The following ENTREP1 variants were observed in gnomAD, a reference collection of about 807,000 sequenced individuals.
The protein encoded by ENTREP1 is endosomal transmembrane epsin interactor 1.
chr9:69,377,258 C>A, the ENTREP1 span: 1 of 746,878 alleles, frequency 1.3e-6, no homozygotes, highest in Non-Finnish European at 2.4e-6. Context: ...TGCATCCTCT[C>A]CTGAGAATTG....
chr9:69,369,814 G>C, the ENTREP1 span, among the ~76,000 whole-genome samples: 3 of 152,092 alleles, frequency 2.0e-5, no homozygotes, highest in East Asian at 3.9e-4. Context: ...ACCTTTACAT[G>C]TGCTTATTGG....
chr9:69,340,963 G>A, the ENTREP1 span, among the ~76,000 whole-genome samples: 121,004 of 152,184 alleles, frequency 0.8, 48,238 homozygotes, highest in South Asian at 0.87. Flanking sequence ...GATGGACAAT[G>A]CTAGAAACAG....
the ENTREP1 span, among the ~76,000 whole-genome samples, chr9:69,359,913 C>T: frequency 2.0e-5 from 3 of 151,344 alleles, no homozygotes; most frequent in East Asian, 1.9e-4. Flanking sequence ...ATGTATTGAA[C>T]GCATTCTACA....
At chr9:69,354,513 C>T in the ENTREP1 span, among the ~76,000 whole-genome samples, 19 of 152,310 alleles carry the variant, frequency 1.2e-4, no homozygotes, top group African/African-American at 4.3e-4. Context: ...CTGCCTTGGC[C>T]TCCCAAAGTG....
chr9:69,380,156 A>G, the ENTREP1 span: 1 of 152,262 alleles, frequency 6.6e-6, no homozygotes, highest in South Asian at 2.1e-4. Context: ...CCCTATAATC[A>G]TATTGCCAAT....
At chr9:69,340,667 G>GTGTGTGTGCA in the ENTREP1 span, among the ~76,000 whole-genome samples, 206 of 19,522 alleles carry the variant, frequency 0.011, 5 homozygotes, top group Admixed American at 0.014. Flanking sequence ...GTGTGTGTGC[G>GTGTGTGTGCA]TGTGTGTGTG....
At chr9:69,388,337 T>G in the ENTREP1 span, 1 of 1,614,208 alleles carries the variant, frequency 6.2e-7, no homozygotes, top group Non-Finnish European at 8.5e-7. Context: ...GGAGCAGTCC[T>G]CTTGTACCAT....
chr9:69,338,203 G>A, the ENTREP1 span, among the ~76,000 whole-genome samples: 1 of 152,022 alleles, frequency 6.6e-6, no homozygotes, highest in South Asian at 2.1e-4. Context: ...AACTTTGGAT[G>A]AGTTGTATAG....
chr9:69,331,430 C>T, the ENTREP1 span, among the ~76,000 whole-genome samples: 1 of 152,140 alleles, frequency 6.6e-6, no homozygotes, highest in African/African-American at 2.4e-5. Flanking sequence ...TCTCAGAGCC[C>T]TTCTTTGCAG....
chr9:69,337,594 A>C, the ENTREP1 span, among the ~76,000 whole-genome samples: 18 of 151,966 alleles, frequency 1.2e-4, no homozygotes, highest in South Asian at 2.1e-4. Context: ...CTTTGTTTTT[A>C]TTTGCTATGT....
At chr9:69,336,224 T>C in the ENTREP1 span, 2 of 1,573,430 alleles carry the variant, frequency 1.3e-6, no homozygotes, top group Middle Eastern at 1.7e-4. Flanking sequence ...TGATACTCTC[T>C]GGAATCATAG....
chr9:69,385,736 G>T, the ENTREP1 span: 1 of 1,452,026 alleles, frequency 6.9e-7, no homozygotes. Flanking sequence ...GAGGACTGCA[G>T]CTGGTGAGAT....
At chr9:69,332,145 C>A in the ENTREP1 span, among the ~76,000 whole-genome samples, 1 of 152,180 alleles carries the variant, frequency 6.6e-6, no homozygotes, top group African/African-American at 2.4e-5. Flanking sequence ...ACCATCCAGG[C>A]CTACTTCCTC....
chr9:69,382,438 C>T, the ENTREP1 span: 1 of 152,188 alleles, frequency 6.6e-6, no homozygotes, highest in South Asian at 2.1e-4. Flanking sequence ...CAACTGGAGG[C>T]TTGATGTGTT....
chr9:69,353,476 C>T, the ENTREP1 span, among the ~76,000 whole-genome samples: 1 of 152,098 alleles, frequency 6.6e-6, no homozygotes, highest in African/African-American at 2.4e-5. Flanking sequence ...GGTGATTCAC[C>T]CCTATATGCT....
the ENTREP1 span, among the ~76,000 whole-genome samples, chr9:69,353,874 TTTC>T: frequency 3.9e-5 from 6 of 152,316 alleles, 1 homozygote; most frequent in East Asian, 1.2e-3. Context: ...TGTTCTTCTT[TTTC>T]TTCTTTGATA....
chr9:69,375,211 C>T, the ENTREP1 span, among the ~76,000 whole-genome samples: 14 of 152,154 alleles, frequency 9.2e-5, no homozygotes, highest in South Asian at 4.1e-4. Flanking sequence ...CTTAACTAAA[C>T]GCTTTGTATC....
At chr9:69,340,289 G>A in the ENTREP1 span, among the ~76,000 whole-genome samples, 1 of 152,154 alleles carries the variant, frequency 6.6e-6, no homozygotes, top group Non-Finnish European at 1.5e-5. Flanking sequence ...GTTCACATGA[G>A]TCTAGAACAC....
chr9:69,353,695 T>C, the ENTREP1 span, among the ~76,000 whole-genome samples: 1 of 152,208 alleles, frequency 6.6e-6, no homozygotes, highest in Non-Finnish European at 1.5e-5. Flanking sequence ...TTTGTGCACA[T>C]TTCTGTATGT....
Sources: allele counts gnomAD v4.1 joint callset (sites outside exome capture counted in the v4.1 genomes callset), GRCh38; gene constraint gnomAD v4.1.1; transcripts MANE v1.5; gene names NCBI Gene and HGNC (gene_info 2026-07-23, HGNC 2026-07-21).